WDFY2: variants seen among roughly 807,000 people sequenced by gnomAD.
The protein encoded by WDFY2 is WD repeat and FYVE domain containing 2.
WDFY2 carries 36 observed loss-of-function variants against 56.4 expected under a neutral mutation model. The observed-to-expected ratio is 0.64, with a 90% CI of 0.49 to 0.84. WDFY2 has a LOEUF of 0.84. Among genes scored for constraint, WDFY2 ranks in the 40% least tolerant of loss-of-function variants. The pLI is 0.00. For synonymous variants in WDFY2, 176 were observed against 183.7 expected (o/e 0.96, Z 0.34); for missense variants, 444 against 512.2 (o/e 0.87, Z 1.29).
chr13:51,643,401 A>C (rs1005774557), intron 1 of WDFY2, among the ~76,000 whole-genome samples: 1 of 152,192 alleles, frequency 6.6e-6, no homozygotes, highest in Non-Finnish European at 1.5e-5. Context: ...CATTTTTCAC[A>C]TGCCTGCCAC....
chr13:51,595,085 G>A (rs1265494629), intron 1 of WDFY2, among the ~76,000 whole-genome samples: 1 of 152,100 alleles, frequency 6.6e-6, no homozygotes, highest in South Asian at 2.1e-4. Context: ...AATTTGCCCT[G>A]TGACAGCCAG....
chr13:51,731,137 G>A (rs1038902271), intron 6 of WDFY2, among the ~76,000 whole-genome samples: 20 of 152,202 alleles, frequency 1.3e-4, no homozygotes, highest in African/African-American at 4.3e-4. Flanking sequence ...GGTGCATTCC[G>A]CAGGCCTGGT....
intron 5 of WDFY2, among the ~76,000 whole-genome samples, chr13:51,722,864 A>C (rs189499191): frequency 1.4e-4 from 21 of 152,358 alleles, no homozygotes; most frequent in Admixed American, 9.8e-4. Flanking sequence ...AAATTTGTGA[A>C]TACTTTATCC....
intron 1 of WDFY2, among the ~76,000 whole-genome samples, chr13:51,657,951 C>CT (rs1245875604): frequency 3.3e-5 from 5 of 151,986 alleles, no homozygotes; most frequent in Admixed American, 1.3e-4. Flanking sequence ...CTGTCAATTT[C>CT]TTTTTTTCTG....
chr13:51,675,346 C>A, intron 3 of WDFY2, 103 bp downstream of exon 3: 3 of 1,103,540 alleles, frequency 2.7e-6, no homozygotes, highest in South Asian at 1.4e-5. Context: ...AATTTTCTTG[C>A]TAAGTAGAAT....
chr13:51,598,142 C>A (rs1320575516), intron 1 of WDFY2, among the ~76,000 whole-genome samples: 1 of 152,020 alleles, frequency 6.6e-6, no homozygotes, highest in African/African-American at 2.4e-5. Flanking sequence ...GGCAGATCAC[C>A]TGAGTTCAGG....
intron 1 of WDFY2, among the ~76,000 whole-genome samples, chr13:51,595,384 A>G (rs1954125713): frequency 6.6e-6 from 1 of 152,190 alleles, no homozygotes; most frequent in African/African-American, 2.4e-5. Context: ...GTGTTTTTAG[A>G]AGTTTTGAAT....
At chr13:51,624,414 T>C (rs1289513370) in intron 1 of WDFY2, among the ~76,000 whole-genome samples, 2 of 152,242 alleles carry the variant, frequency 1.3e-5, no homozygotes, top group African/African-American at 4.8e-5. Context: ...TTGATATGAC[T>C]GTATTATCAG....
intron 3 of WDFY2, among the ~76,000 whole-genome samples, chr13:51,695,808 C>T (rs997480461): frequency 2.0e-5 from 3 of 152,250 alleles, no homozygotes; most frequent in Non-Finnish European, 4.4e-5. Flanking sequence ...AGGCAGGCCT[C>T]CTTGAGCTGT....
At chr13:51,716,908 G>A (rs1311890538) in intron 4 of WDFY2, among the ~76,000 whole-genome samples, 2 of 152,056 alleles carry the variant, frequency 1.3e-5, no homozygotes, top group Admixed American at 1.3e-4. Context: ...AATCCATTAC[G>A]TCAACAGGTT....
intron 1 of WDFY2, among the ~76,000 whole-genome samples, chr13:51,646,530 T>C (rs1231050980): frequency 6.6e-6 from 1 of 152,238 alleles, no homozygotes; most frequent in Non-Finnish European, 1.5e-5. Context: ...CCCTGTGAGC[T>C]TCCTGACAAC....
chr13:51,698,748 C>T (rs1951925109), intron 3 of WDFY2, among the ~76,000 whole-genome samples: 1 of 151,910 alleles, frequency 6.6e-6, no homozygotes, highest in Non-Finnish European at 1.5e-5. Context: ...TTATTCCTTC[C>T]CAAATTAAAA....
intron 3 of WDFY2, among the ~76,000 whole-genome samples, chr13:51,686,887 G>T (rs1230742320): frequency 6.6e-6 from 1 of 151,578 alleles, no homozygotes; most frequent in Non-Finnish European, 1.5e-5. Context: ...TGAATGTCTG[G>T]TAATTGCACA....
intron 1 of WDFY2, among the ~76,000 whole-genome samples, chr13:51,650,508 G>C (rs887339074): frequency 3.3e-5 from 5 of 152,202 alleles, no homozygotes; most frequent in African/African-American, 4.8e-5. Flanking sequence ...CAAAGGGAAT[G>C]CTTCCAGTTT....
chr13:51,723,423 C>T (rs934557009), intron 5 of WDFY2, among the ~76,000 whole-genome samples: 21 of 152,130 alleles, frequency 1.4e-4, no homozygotes, highest in African/African-American at 4.3e-4. Context: ...GTGGTTGTCA[C>T]GTCTTCTAAA....
At chr13:51,589,875 G>A (rs997220294) in intron 1 of WDFY2, 1 of 152,142 alleles carries the variant, frequency 6.6e-6, no homozygotes, top group Non-Finnish European at 1.5e-5. Context: ...TGTCCTGTAT[G>A]ATTGTGGAAA....
chr13:51,674,043 ATTCTTTTT>A (rs1481404222), intron 2 of WDFY2, among the ~76,000 whole-genome samples: 2 of 152,202 alleles, frequency 1.3e-5, no homozygotes, highest in Non-Finnish European at 2.9e-5. Context: ...AGAACTTGAA[ATTCTTTTT>A]TAGTTTAAAA....
chr13:51,634,175 C>T (rs1955004072), intron 1 of WDFY2, among the ~76,000 whole-genome samples: 1 of 152,042 alleles, frequency 6.6e-6, no homozygotes, highest in Admixed American at 6.6e-5. Context: ...GTCATTAAAA[C>T]TGAGCTTGGC....
intron 4 of WDFY2, among the ~76,000 whole-genome samples, chr13:51,717,239 A>G (rs969881655): frequency 3.3e-5 from 5 of 152,304 alleles, no homozygotes; most frequent in South Asian, 4.1e-4. Context: ...TTTTTTTTCA[A>G]TAAAAGAATC....
Sources: gnomAD v4.1 joint callset for allele counts (sites outside exome capture counted in the v4.1 genomes callset) on GRCh38, gnomAD v4.1.1 for gene constraint, MANE v1.5 for transcripts, NCBI Gene and HGNC (gene_info 2026-07-23, HGNC 2026-07-21) for gene names.